The following ATP1A3 variants were observed in gnomAD, a reference collection of about 807,000 sequenced individuals.
The protein encoded by ATP1A3 is ATPase Na+/K+ transporting subunit alpha 3.
Under a neutral mutation model 108.8 loss-of-function variants are expected in ATP1A3, and 12 were observed. The ratio of observed to expected loss-of-function variants is 0.11; its 90% CI spans 0.07 to 0.18. ATP1A3 has a LOEUF of 0.18. ATP1A3 is among the 10% of genes least tolerant of loss of function. The pLI is 1.00. For missense variants in ATP1A3, 498 were observed against 1,387.7 expected, an observed-to-expected ratio of 0.36 and a Z score of 10.19; for synonymous variants, 539 against 564.5, an observed-to-expected ratio of 0.95 and a Z score of 0.64.
At position 41,966,608 on chromosome 19, in the gene ATP1A3, T is replaced by C; in HGVS notation, c.*329A>G. 2 of 1,440,300 alleles carry C rather than the reference T, an allele frequency of 1.4e-6. No individual in the cohort carries two copies. Among genetic ancestry groups the C allele is most frequent in the Non-Finnish European group, 1.9e-6 (2 of 1,076,776 alleles). 89.2% of individuals were successfully genotyped at this position (1,440,300 alleles called of 1,614,324 possible). ...TCTCTCTCCCCACTGATATATTTGA[T>C]AATTGTCCAGAACCAGAGATGGCAT... On this transcript the variant is annotated 3_prime_UTR_variant, in exon 23 of 23. Coordinates refer to ENST00000648268, the MANE Select transcript of ATP1A3 (RefSeq NM_152296.5).
At position 41,988,425 on chromosome 19, in the gene ATP1A3, A is replaced by G. The variant is rs1555866240; in HGVS notation, c.94-48T>C. ...AGACGGTGAGTGCCTAGGCCAGCCAAGAACTGGCGAGGTTCTCTGGGAGGG... is the reference window on the plus strand; with the variant it reads ...AGACGGTGAGTGCCTAGGCCAGCCAGGAACTGGCGAGGTTCTCTGGGAGGG... On this transcript the variant is annotated intron_variant, in intron 2 of 22. Coordinates refer to ENST00000648268, the MANE Select transcript of ATP1A3 (RefSeq NM_152296.5). This position sits in a 1 kb window ranked among gnomAD's most constrained non-coding sequence, Gnocchi z 5.3. 6.2e-7 allele frequency: 1 copy of G among 1,614,088 alleles called. No homozygotes were observed. Among genetic ancestry groups the G allele is most frequent in the African/African-American group, 1.3e-5 (1 of 74,918 alleles).
rs1268762160 is a variant in ATP1A3, at chr19:41,966,684, G to A, written c.*253C>T. ...AAAAGAGCCCAGGGAGGTGGCTGGG[G>A]CGGGAGGAATGGATAGAGGGGTGAG... is the stretch of plus-strand genomic sequence containing the variant. On this transcript the variant is annotated 3_prime_UTR_variant, in exon 23 of 23. Transcript: ENST00000648268. 6.5e-7 allele frequency: 1 copy of A among 1,536,088 alleles called. No homozygotes were observed. The highest frequency in any genetic ancestry group is 2.0e-5 in the Admixed American group (1 of 50,414).
rs1318364500 is a variant in ATP1A3, at chr19:41,981,766, G to A, written c.1258C>T (p.Arg420Cys). The A allele has an allele frequency of 1.2e-6, 2 of 1,614,096 alleles. No homozygotes were observed. The highest frequency in any genetic ancestry group is 1.7e-6 in the Non-Finnish European group (2 of 1,180,046). Residue 420 changes from arginine (R) to cysteine (C), a missense_variant, in exon 10 of 23, where the codon CGC becomes TGC. By Grantham distance (180) the Arg-to-Cys change is radical. Around this residue, in one of 9 missense-constraint regions of ATP1A3, gnomAD observed 36 missense variants for 58.7 expected, o/e 0.61. Coordinates refer to ENST00000648268, the MANE Select transcript of ATP1A3 (RefSeq NM_152296.5). The surrounding 1 kb of genome is among the most constrained non-coding windows in gnomAD (Gnocchi z 5.0). ...ALSHIAGLCN[R>C]AVFKGGQDNI... ...TCCTGACCACCCTTGAAGACAGCGC[G>A]ATTGCAGAGCCCAGCGATGTGAGAC...
At chr19:41,975,512 G>T in intron 16 of ATP1A3, 117 bp downstream of exon 16, 1 of 1,450,474 alleles carries the variant, frequency 6.9e-7, no homozygotes, top group South Asian at 1.2e-5. Context: ...CTCCTCCAGG[G>T]CCAGGGGGCC....
intron 4 of ATP1A3, among the ~76,000 whole-genome samples, chr19:41,986,866 C>T (rs1329576977): frequency 7.2e-5 from 11 of 151,874 alleles, no homozygotes; most frequent in African/African-American, 1.2e-4. Context: ...CCTCAGCCTC[C>T]GGAGTAGCTA....
chr19:41,972,879 C>A (rs1248113872), intron 16 of ATP1A3, among the ~76,000 whole-genome samples: 10 of 107,922 alleles, frequency 9.3e-5, no homozygotes, highest in African/African-American at 1.3e-4. Context: ...GGAAGGCAGG[C>A]AGGCAGGGAC....
At position 41,984,512 on chromosome 19, in the gene ATP1A3, G is replaced by C. The variant is rs1486868204; in HGVS notation, c.993+406C>G. ...AGTGCTGGGATTACAGCGTGAGCCA[G>C]TGCACCCAGCCTCATTATTTTATTT... On this transcript the variant is annotated intron_variant, in intron 8 of 22. Transcript: ENST00000648268. 4.0e-5 allele frequency: 8 copies of C among 200,760 alleles called. No homozygotes were observed. In the South Asian group the frequency reaches 7.0e-4, roughly 18 times the overall value. 12.4% of individuals were successfully genotyped at this position (200,760 alleles called of 1,614,324 possible).
Position 41,984,857 on chromosome 19 carries a change from T to A in ATP1A3, c.993+61A>T. On this transcript the variant is annotated intron_variant, in intron 8 of 22. Transcript: ENST00000648268. The stretch of plus-strand genomic sequence containing the variant: ...GTCCAGGATCCCAGCCCCTCCTCCC[T>A]CAGACCCAGGAGCCCAGACCCCCAG... 2.0e-6 allele frequency: 3 copies of A among 1,500,786 alleles called. No individual in the cohort carries two copies. In the South Asian group the frequency reaches 3.5e-5, roughly 18 times the overall value. The allele number at this position is 1,500,786 out of a possible 1,614,324, so 93.0% of individuals were successfully genotyped here. A position where few individuals can be genotyped will look rare whatever the true frequency, so the allele number is the denominator to read the frequency against.
chr19:41,972,879 C>G (rs1248113872), intron 16 of ATP1A3, among the ~76,000 whole-genome samples: 2 of 107,908 alleles, frequency 1.9e-5, no homozygotes, highest in African/African-American at 8.6e-5. Flanking sequence ...GGAAGGCAGG[C>G]AGGCAGGGAC....
intron 16 of ATP1A3, among the ~76,000 whole-genome samples, chr19:41,973,021 G>A (rs1016670243): frequency 3.9e-5 from 6 of 152,132 alleles, no homozygotes; most frequent in Admixed American, 1.3e-4. Flanking sequence ...TGATATTCTC[G>A]TTCCCTGCAT....
At chr19:41,990,468 CT>C (rs1297062168) in intron 1 of ATP1A3, among the ~76,000 whole-genome samples, 3 of 112,838 alleles carry the variant, frequency 2.7e-5, no homozygotes, top group Non-Finnish European at 5.5e-5. Flanking sequence ...CGTCCCCCTC[CT>C]TCCCCATATA....
rs868921418 is a variant in ATP1A3 at position 41,968,981 on chromosome 19, G to A, written c.2689-66C>T. The A allele has an allele frequency of 1.7e-4, 280 of 1,609,156 alleles. 3 individuals are homozygous for A. In the Middle Eastern group the frequency reaches 2.3e-3, roughly 13 times the overall value. On this transcript the variant is annotated intron_variant, in intron 19 of 22. Coordinates refer to ENST00000648268, the MANE Select transcript of ATP1A3 (RefSeq NM_152296.5). This position sits in a 1 kb window ranked among gnomAD's most constrained non-coding sequence, Gnocchi z 5.0. ...GCACTGCAGCCCTAGCCGCCACCCC[G>A]ACGTTCCGGTGCTCTTTGCCCCGCC... is the stretch of plus-strand genomic sequence containing the variant.
intron 14 of ATP1A3, 95 bp from the exon 15 acceptor site, chr19:41,976,661 A>G (rs2075174283): frequency 6.4e-7 from 1 of 1,558,116 alleles, no homozygotes; most frequent in African/African-American, 1.4e-5. Context: ...GGCCAGCCCC[A>G]CAACCAGGAG....
In ATP1A3 at chr19:41,985,474, A is replaced by G; in HGVS notation, c.607-51T>C. On this transcript the variant is annotated intron_variant, in intron 6 of 22. Coordinates refer to ENST00000648268, the MANE Select transcript of ATP1A3 (RefSeq NM_152296.5). This position sits in a 1 kb window ranked among gnomAD's most constrained non-coding sequence, Gnocchi z 8.2. ...GGTTCAGTCCAGGGCCTGGGACAGGAGGGTATTTGTGTACAGGGCTTGGGG... is the reference window on the plus strand; with the variant it reads ...GGTTCAGTCCAGGGCCTGGGACAGGGGGGTATTTGTGTACAGGGCTTGGGG... The G allele has an allele frequency of 1.3e-6, 2 of 1,540,592 alleles. No individual in the cohort carries two copies. The highest frequency in any genetic ancestry group is 1.8e-6 in the Non-Finnish European group (2 of 1,113,594).
chr19:41,982,228 A>G, intron 8 of ATP1A3, 122 bp from the exon 9 acceptor site: 1 of 1,541,268 alleles, frequency 6.5e-7, no homozygotes. Flanking sequence ...CCTGGAAAAG[A>G]ATGAGGCAGC....
rs1555863241 is a variant in ATP1A3 at position 41,981,398 on chromosome 19, A to T, written c.1437+104T>A. 1.9e-6 allele frequency: 3 copies of T among 1,566,060 alleles called. No individual in the cohort carries two copies. The highest frequency in any genetic ancestry group is 2.7e-5 in the African/African-American group (2 of 73,790). ...CTCTCCCCACCAGGCGGGTATTATC[A>T]TTCCCATTTTACAGACGGGAAAATC... On this transcript the variant is annotated intron_variant, in intron 11 of 22. Transcript: ENST00000648268. The surrounding 1 kb of genome is among the most constrained non-coding windows in gnomAD (Gnocchi z 5.0).
chr19:41,973,453 A>C (rs2075134312), intron 16 of ATP1A3, among the ~76,000 whole-genome samples: 1 of 152,020 alleles, frequency 6.6e-6, no homozygotes, highest in Admixed American at 6.6e-5. Flanking sequence ...TTGAGGTCTT[A>C]ATTTGTTGTA....
At chr19:41,980,633 C>T (rs1555862961) in intron 11 of ATP1A3, among the ~76,000 whole-genome samples, 4 of 151,818 alleles carry the variant, frequency 2.6e-5, no homozygotes, top group African/African-American at 4.8e-5. Context: ...TTACTGAGGC[C>T]GGGCGCGGTG....
chr19:41,991,212 C>T (rs931873957), intron 1 of ATP1A3, among the ~76,000 whole-genome samples: 1 of 152,186 alleles, frequency 6.6e-6, no homozygotes, highest in Non-Finnish European at 1.5e-5. Flanking sequence ...AGGCTCAGCG[C>T]GGCTCAGCGC....
Sources: gnomAD v4.1 joint callset for allele counts (sites outside exome capture counted in the v4.1 genomes callset) on GRCh38, gnomAD v4.1.1 for gene constraint, gnomAD v4.1.1 regional missense constraint, Gnocchi (gnomAD v3.1) non-coding constraint, MANE v1.5 for transcripts, NCBI Gene and HGNC (gene_info 2026-07-23, HGNC 2026-07-21) for gene names.